The following B4GALNT3 variants were observed in gnomAD, a reference collection of about 807,000 sequenced individuals.
B4GALNT3 encodes beta-1,4-N-acetylgalactosaminyltransferase 3.
Under a neutral mutation model 120.2 loss-of-function variants are expected in B4GALNT3, and 86 were observed. That is an observed-to-expected ratio of 0.72 (90% confidence interval 0.60 to 0.86). The LOEUF (loss-of-function observed/expected upper bound fraction) is 0.86. Ranked by LOEUF, B4GALNT3 falls within the 40% of genes least tolerant of loss-of-function variation. The pLI is 0.00. For missense variants in B4GALNT3, 1,167 were observed against 1,298.9 expected (o/e 0.90, Z 1.56); for synonymous variants, 518 against 510.4 (o/e 1.01, Z -0.20).
At chr12:509,174 A>G (rs779510958) in intron 1 of B4GALNT3, among the ~76,000 whole-genome samples, 16 of 152,230 alleles carry the variant, frequency 1.1e-4, no homozygotes, top group Non-Finnish European at 1.9e-4. Flanking sequence ...ACCTGCACCT[A>G]CTAACCTACT....
At chr12:545,556 T>C (rs1395386441) in intron 6 of B4GALNT3, 87 bp downstream of exon 6, 2 of 1,303,828 alleles carry the variant, frequency 1.5e-6, no homozygotes, top group African/African-American at 3.0e-5. Flanking sequence ...ACTGTTAGCA[T>C]CTCTGGTGTG....
chr12:509,754 TG>T (rs1270852590), intron 1 of B4GALNT3, among the ~76,000 whole-genome samples: 2 of 152,070 alleles, frequency 1.3e-5, no homozygotes, highest in African/African-American at 2.4e-5. Context: ...AGAGCGGAGC[TG>T]GGTTATTCTA....
intron 1 of B4GALNT3, among the ~76,000 whole-genome samples, chr12:491,093 T>A (rs1469661575): frequency 2.0e-5 from 3 of 152,186 alleles, no homozygotes; most frequent in African/African-American, 4.8e-5. Context: ...AATTACAGAT[T>A]AATATCTCTT....
intron 1 of B4GALNT3, among the ~76,000 whole-genome samples, chr12:502,892 T>G (rs755983974): frequency 1.0e-3 from 152 of 152,274 alleles, no homozygotes; most frequent in Non-Finnish European, 3.2e-4. Context: ...TAGCTGGGAC[T>G]ACAGGCGTGA....
intron 1 of B4GALNT3, among the ~76,000 whole-genome samples, chr12:532,997 C>A (rs1818851620): frequency 6.6e-6 from 1 of 152,180 alleles, no homozygotes; most frequent in Non-Finnish European, 1.5e-5. Context: ...TGGGTATTTC[C>A]CCACAAGCTT....
intron 1 of B4GALNT3, among the ~76,000 whole-genome samples, chr12:466,648 T>A (rs1288567912): frequency 6.6e-6 from 1 of 152,206 alleles, no homozygotes; most frequent in Non-Finnish European, 1.5e-5. Context: ...GAGCAAAGTG[T>A]GACAGATCTT....
rs56769522 is a variant in B4GALNT3, at chr12:508,281, G to GT, written c.170-26877dup. 5.2e-3 allele frequency among the ~76,000 whole-genome samples: 787 copies of GT among 151,954 alleles called. 9 individuals are homozygous for GT. Among genetic ancestry groups the GT allele is most frequent in the African/African-American group, 0.018 (737 of 41,428 alleles). ...GCATATTTTGAAACAACTTACTTTT[G>GT]TTTTTTTTAGACAGGGTCTTGCTCC... On this transcript the variant is annotated intron_variant, in intron 1 of 19. Transcript: ENST00000266383.
chr12:511,635 C>CCTT (rs1413042540), intron 1 of B4GALNT3, among the ~76,000 whole-genome samples: 1 of 146,536 alleles, frequency 6.8e-6, no homozygotes, highest in African/African-American at 2.5e-5. Context: ...CGACCTTCCA[C>CCTT]CTTCCACCTT....
chr12:515,429 C>G (rs1231257281), intron 1 of B4GALNT3, among the ~76,000 whole-genome samples: 1 of 151,976 alleles, frequency 6.6e-6, no homozygotes, highest in East Asian at 1.9e-4. Context: ...AATCTCCTGA[C>G]CTCGTGATCC....
intron 1 of B4GALNT3, among the ~76,000 whole-genome samples, chr12:473,593 C>G (rs1031117667): frequency 2.0e-5 from 3 of 152,094 alleles, no homozygotes; most frequent in Non-Finnish European, 4.4e-5. Context: ...GAAATGGTCT[C>G]CTGAGAAAAA....
At chr12:541,616 G>A (rs1946916379) in intron 3 of B4GALNT3, among the ~76,000 whole-genome samples, 2 of 152,144 alleles carry the variant, frequency 1.3e-5, no homozygotes, top group African/African-American at 4.8e-5. Context: ...CCCACCTACA[G>A]CCTGAGAGTG....
chr12:476,935 C>A (rs1328067835), intron 1 of B4GALNT3, among the ~76,000 whole-genome samples: 1 of 152,200 alleles, frequency 6.6e-6, no homozygotes, highest in African/African-American at 2.4e-5. Context: ...ACATGAAATT[C>A]TTTTACCGAG....
At chr12:561,166 C>T (rs1947227009) in intron 19 of B4GALNT3, among the ~76,000 whole-genome samples, 177 bp from the exon 20 acceptor site, 1 of 152,190 alleles carries the variant, frequency 6.6e-6, no homozygotes, top group Admixed American at 6.5e-5. Flanking sequence ...CGTGACATAC[C>T]CAGTCATGCA....
intron 1 of B4GALNT3, among the ~76,000 whole-genome samples, chr12:483,689 C>T (rs949359040): frequency 6.6e-6 from 1 of 152,204 alleles, no homozygotes; most frequent in African/African-American, 2.4e-5. Context: ...CATAGTGAGA[C>T]CCTGTCCCCC....
intron 15 of B4GALNT3, 95 bp from the exon 16 acceptor site, chr12:557,513 A>G (rs1478721616): frequency 1.5e-6 from 2 of 1,324,798 alleles, no homozygotes; most frequent in African/African-American, 3.0e-5. Flanking sequence ...TCCGATGGGC[A>G]CTCCTGACTC....
intron 1 of B4GALNT3, among the ~76,000 whole-genome samples, chr12:511,725 ACCTT>A (rs1413724496): frequency 5.0e-5 from 4 of 80,372 alleles, no homozygotes; most frequent in Admixed American, 1.3e-4. Flanking sequence ...TCCGCCTTCC[ACCTT>A]CCTTCCACCT....
chr12:510,124 C>T (rs1946531524), intron 1 of B4GALNT3, among the ~76,000 whole-genome samples: 1 of 152,170 alleles, frequency 6.6e-6, no homozygotes, highest in East Asian at 1.9e-4. Context: ...GCGATGGACC[C>T]AGGTTGCCTA....
intron 1 of B4GALNT3, among the ~76,000 whole-genome samples, chr12:472,459 T>A (rs1417122853): frequency 3.0e-5 from 4 of 134,400 alleles, no homozygotes; most frequent in African/African-American, 3.4e-5. Context: ...TTATTTTATT[T>A]ATTTTTTGAG....
chr12:545,438 C>G lies in B4GALNT3; in HGVS notation c.608C>G (p.Ser203Ter). The G allele has an allele frequency of 6.2e-7, 1 of 1,609,860 alleles. No individual in the cohort carries two copies. ...TGGCTGAGCCTCGATGACCAGGTCT[C>G]AGGCCTCCAGCTGCTGGCCAGTGTG... ...EFWLSLDDQV[S>*]GLQLLASVGK... The change falls in exon 6 of 20, where the codon TCA becomes TGA. Residue 203 changes from serine (S) to a stop codon, truncating the protein, a stop_gained. Transcript: ENST00000266383. LOFTEE classifies it high-confidence loss of function.
Sources: gnomAD v4.1 joint callset for allele counts (sites outside exome capture counted in the v4.1 genomes callset) on GRCh38, gnomAD v4.1.1 for gene constraint, MANE v1.5 for transcripts, NCBI Gene and HGNC (gene_info 2026-07-23, HGNC 2026-07-21) for gene names.